Variants in ATP5MG observed in about 807,000 individuals in gnomAD.
ATP5MG encodes ATP synthase F(0) complex subunit g, mitochondrial.
Under a neutral mutation model 12.7 loss-of-function variants are expected in ATP5MG, and 7 were observed. That is an observed-to-expected ratio of 0.55 (90% CI 0.31 to 1.04). The LOEUF (loss-of-function observed/expected upper bound fraction) is 1.04. Among genes scored for constraint, ATP5MG ranks in the 50% least tolerant of loss-of-function variants. The pLI is 0.05. For synonymous variants in ATP5MG, 53 were observed against 48.2 expected (o/e 1.10, Z -0.41); for missense variants, 116 against 126.7 (o/e 0.92, Z 0.41).
chr11:118,406,203 G>A (rs1187182403), intron 1 of ATP5MG: 1 of 152,180 alleles, frequency 6.6e-6, no homozygotes, highest in Non-Finnish European at 1.5e-5. Flanking sequence ...TCCTCTTTCT[G>A]AAATCACTAC....
chr11:118,403,810 A>AAT (rs1425658284), intron 1 of ATP5MG: 5 of 150,596 alleles, frequency 3.3e-5, no homozygotes, highest in Non-Finnish European at 5.9e-5. Context: ...AAAAAAAAAA[A>AAT]CTAAAGAGAA....
chr11:118,402,070 G>A lies in ATP5MG; in HGVS notation c.52+353G>A, dbSNP rs558521846. Among the ~76,000 whole-genome samples, 460 of 152,300 alleles carry A rather than the reference G, an allele frequency of 3.0e-3. 4 individuals carry two copies. Among genetic ancestry groups the A allele is most frequent in the Non-Finnish European group, 3.2e-3 (215 of 68,024 alleles). ...GGGATGGTTCTGTTAGGAGAGCTAA[G>A]AAAAGGAAGGGCAGAAACGTGAAAG... On this transcript the variant is annotated intron_variant, in intron 1 of 2. Transcript: ENST00000300688.
intron 1 of ATP5MG, among the ~76,000 whole-genome samples, chr11:118,404,920 G>A (rs1470880869): frequency 1.3e-5 from 2 of 152,116 alleles, no homozygotes; most frequent in African/African-American, 2.4e-5. Flanking sequence ...CATACTTTCT[G>A]TATCAAATAC....
At chr11:118,407,895 G>T (rs1189825305) in intron 2 of ATP5MG, among the ~76,000 whole-genome samples, 2 of 151,856 alleles carry the variant, frequency 1.3e-5, no homozygotes, top group Admixed American at 1.3e-4. Context: ...GGGCGCAGTG[G>T]CTCACGCCTG....
intron 1 of ATP5MG, 32 bp downstream of exon 1, chr11:118,401,749 A>G (rs1555131115): frequency 2.5e-6 from 4 of 1,605,284 alleles, no homozygotes; most frequent in Non-Finnish European, 3.4e-6. Context: ...CGAGGCGGGC[A>G]CACGGGCGGC....
At chr11:118,405,343 A>G (rs2134127100) in intron 1 of ATP5MG, among the ~76,000 whole-genome samples, 1 of 152,112 alleles carries the variant, frequency 6.6e-6, no homozygotes, top group Admixed American at 6.5e-5. Context: ...CCTGAGTCCA[A>G]CTCTAACCCA....
chr11:118,408,553 A>G (rs1374178286), intron 2 of ATP5MG, among the ~76,000 whole-genome samples: 2 of 152,228 alleles, frequency 1.3e-5, no homozygotes, highest in Non-Finnish European at 2.9e-5. Flanking sequence ...AATGAGGTCT[A>G]AAGGGGAAGA....
intron 2 of ATP5MG, among the ~76,000 whole-genome samples, chr11:118,408,460 G>T (rs1280470405): frequency 2.0e-5 from 3 of 152,104 alleles, no homozygotes; most frequent in South Asian, 4.1e-4. Flanking sequence ...AGCCATATGT[G>T]CATATTTCTC....
chr11:118,402,006 A>T, intron 1 of ATP5MG: 1 of 419,122 alleles, frequency 2.4e-6, no homozygotes. Context: ...AGCTGCAACC[A>T]TTACGCCCCC....
Position 118,401,695 on chromosome 11 carries a change from G to C in ATP5MG, c.30G>C (p.Glu10Asp). The part of the protein sequence containing the change: MAQFVRNLV[E>D]KTPALVNAAV... ...CCCAATTTGTCCGTAACCTTGTGGA[G>C]AAGACCCCGGCGCTGGTGAACGGTG... Residue 10 changes from glutamate (E) to aspartate (D), a missense_variant, in exon 1 of 3, where the codon GAG (glutamate) becomes GAC (aspartate). By Grantham distance (45) the Glu-to-Asp change is conservative. Coordinates refer to ENST00000300688, the MANE Select transcript of ATP5MG (RefSeq NM_006476.5). 1 of 1,613,862 alleles carries C rather than the reference G, an allele frequency of 6.2e-7. No individual in the cohort carries two copies. The highest frequency in any genetic ancestry group is 8.5e-7 in the Non-Finnish European group (1 of 1,179,832).
chr11:118,405,014 C>T (rs1252729486), intron 1 of ATP5MG, among the ~76,000 whole-genome samples: 3 of 152,174 alleles, frequency 2.0e-5, no homozygotes, highest in African/African-American at 7.2e-5. Context: ...CATACCGCCT[C>T]CCTTTCTGAT....
chr11:118,407,286 C>A, intron 2 of ATP5MG, 189 bp downstream of exon 2: 1 of 855,400 alleles, frequency 1.2e-6, no homozygotes, highest in Non-Finnish European at 1.7e-6. Context: ...AATAATTAGC[C>A]CATTTTATGT....
chr11:118,402,060 G>C (rs1189728894), intron 1 of ATP5MG, among the ~76,000 whole-genome samples: 1 of 152,160 alleles, frequency 6.6e-6, no homozygotes, highest in Non-Finnish European at 1.5e-5. Context: ...GGTTCTGTTA[G>C]GAGAGCTAAG....
Position 118,407,085 on chromosome 11 carries a change from G to A in ATP5MG, c.201G>A (p.Gln67=). 6.2e-7 allele frequency: 1 copy of A among 1,614,042 alleles called. No individual in the cohort carries two copies. Among genetic ancestry groups the A allele is most frequent in the South Asian group, 1.1e-5 (1 of 91,084 alleles). ...VNSAQTGSFK[Q]LTVKEAVLNG... ...GTGCTCAGACTGGTAGCTTCAAACA[G>A]CTCACAGTTAAGGTAACCACGGGCT... is the stretch of plus-strand genomic sequence containing the variant. The change falls in exon 2 of 3, where the codon CAG becomes CAA. Residue 67 remains glutamine, a synonymous_variant. Coordinates refer to ENST00000300688, the MANE Select transcript of ATP5MG (RefSeq NM_006476.5).
chr11:118,401,979 G>A lies in ATP5MG; in HGVS notation c.52+262G>A. On this transcript the variant is annotated intron_variant, in intron 1 of 2. Coordinates refer to ENST00000300688, the MANE Select transcript of ATP5MG (RefSeq NM_006476.5). The stretch of plus-strand genomic sequence containing the variant: ...TGGGAAGAGAGGTAGTGTGAAGGAA[G>A]CCCGGCGTTGCCCGGCAGCTGCAAC... 4 of 438,018 alleles carry A rather than the reference G, an allele frequency of 9.1e-6. No individual in the cohort carries two copies. In the South Asian group the frequency reaches 1.6e-4, roughly 17 times the overall value. 27.1% of individuals were successfully genotyped at this position (438,018 alleles called of 1,614,324 possible).
chr11:118,408,341 C>T (rs1385957694), intron 2 of ATP5MG, among the ~76,000 whole-genome samples: 1 of 152,144 alleles, frequency 6.6e-6, no homozygotes, highest in South Asian at 2.1e-4. Flanking sequence ...AATTCACTTC[C>T]AGAAGTGCTA....
Position 118,405,561 on chromosome 11 carries a change from T to A in ATP5MG, c.53-1376T>A, listed in dbSNP as rs574821452. ...TATGTACAGTATACTGATTCATTTT[T>A]TTTTTAAGGATGAAATGTCTGTGTG... is the stretch of plus-strand genomic sequence containing the variant. On this transcript the variant is annotated intron_variant, in intron 1 of 2. Transcript: ENST00000300688. 5 of 740,744 alleles carry A rather than the reference T, an allele frequency of 6.7e-6. No homozygotes were observed. The South Asian group carries it at 3.1e-4, about 46-fold the overall frequency. 45.9% of individuals were successfully genotyped at this position (740,744 alleles called of 1,614,324 possible).
intron 1 of ATP5MG, 54 bp downstream of exon 1, chr11:118,401,771 C>T: frequency 6.3e-7 from 1 of 1,591,950 alleles, no homozygotes; most frequent in Non-Finnish European, 8.6e-7. Context: ...GGGAGGCCTG[C>T]GATGGCCTGA....
At chr11:118,403,951 A>G in intron 1 of ATP5MG, 1 of 152,092 alleles carries the variant, frequency 6.6e-6, no homozygotes, top group East Asian at 1.9e-4. Context: ...ATTGCAAACT[A>G]ATTTTTGTGA....
Sources: allele counts gnomAD v4.1 joint callset (sites outside exome capture counted in the v4.1 genomes callset), GRCh38; gene constraint gnomAD v4.1.1; transcripts MANE v1.5; gene names NCBI Gene and HGNC (gene_info 2026-07-23, HGNC 2026-07-21).